Variants in CREB5 observed in about 807,000 individuals in gnomAD.
CREB5 encodes cAMP responsive element binding protein 5.
CREB5 carries 19 observed loss-of-function variants against 57.1 expected under a neutral mutation model. The observed-to-expected ratio is 0.33, with a 90% CI of 0.23 to 0.49. The LOEUF (loss-of-function observed/expected upper bound fraction) is 0.49, where lower values mean the gene tolerates loss of function less well. Among genes scored for constraint, CREB5 ranks in the 20% least tolerant of loss-of-function variants. The probability of loss-of-function intolerance (pLI) is 0.99; values close to 1 mark genes in which losing one functional copy is unlikely to be tolerated. For synonymous variants in CREB5, 238 were observed against 238.3 expected (o/e 1.00, Z 0.01); for missense variants, 579 against 671.6 (o/e 0.86, Z 1.52).
At chr7:28,409,199 G>A (rs961075347), upstream of CREB5, 4 of 151,246 alleles carry the variant, frequency 2.6e-5, 1 homozygote, top group Non-Finnish European at 5.9e-5. This position sits in a 1 kb window ranked among gnomAD's most constrained non-coding sequence, Gnocchi z 4.4. Context: ...GGCGGGGCGG[G>A]GTCGGGGCGG....
At chr7:28,305,512 CTT>C (rs2127979738) in intron 1 of CREB5, among the ~76,000 whole-genome samples, 1 of 152,256 alleles carries the variant, frequency 6.6e-6, no homozygotes, top group Non-Finnish European at 1.5e-5. Context: ...GAAATGGACA[CTT>C]ACCCCAAAGC....
intron 5 of CREB5, among the ~76,000 whole-genome samples, chr7:28,605,416 T>G (rs1473048477): frequency 1.3e-5 from 2 of 152,208 alleles, no homozygotes; most frequent in Non-Finnish European, 2.9e-5. Flanking sequence ...TATCTCTCAT[T>G]TGTTTTGTCA....
At chr7:28,586,010 G>T (rs943346774) in intron 5 of CREB5, among the ~76,000 whole-genome samples, 2 of 152,122 alleles carry the variant, frequency 1.3e-5, no homozygotes, top group Non-Finnish European at 2.9e-5. Flanking sequence ...TTAGAACTTT[G>T]CATCTTTTTT....
intron 7 of CREB5, among the ~76,000 whole-genome samples, chr7:28,753,627 T>C (rs1418391602): frequency 6.6e-6 from 1 of 152,176 alleles, no homozygotes; most frequent in Non-Finnish European, 1.5e-5. Flanking sequence ...TTCAACCCTG[T>C]GTAGATTACA....
rs865867001 is a variant in CREB5 at position 28,430,004 on chromosome 7, G to T, written c.3+17087G>T. Among the ~76,000 whole-genome samples, 8 of 152,318 alleles carry T rather than the reference G, an allele frequency of 5.3e-5. No individual in the cohort carries two copies. The South Asian group carries it at 1.0e-3, about 20-fold the overall frequency. ...TTGTTAGCTCACAAAAGAGCTCTTG[G>T]TCTCTGTCTTTGTCAGCATAGGGCT... On this transcript the variant is annotated intron_variant, in intron 1 of 10. Transcript: ENST00000357727.
chr7:28,348,816 G>T (rs547925039), intron 1 of CREB5, among the ~76,000 whole-genome samples: 2 of 152,188 alleles, frequency 1.3e-5, no homozygotes, highest in African/African-American at 4.8e-5. Flanking sequence ...ACACTCCCCA[G>T]CCAGGCCATC....
intron 7 of CREB5, among the ~76,000 whole-genome samples, chr7:28,735,106 TGG>T (rs386711629): frequency 0.14 from 21,381 of 151,722 alleles, 1,580 homozygotes; most frequent in Non-Finnish European, 0.16. Context: ...TTAATCGTTT[TGG>T]TTTTTTTTGT....
intron 4 of CREB5, among the ~76,000 whole-genome samples, chr7:28,545,499 T>C (rs1048175770): frequency 6.6e-6 from 1 of 152,228 alleles, no homozygotes; most frequent in Non-Finnish European, 1.5e-5. Context: ...CACATTTCCT[T>C]GTTCTTCCAG....
intron 1 of CREB5, among the ~76,000 whole-genome samples, chr7:28,358,598 G>A (rs906824351): frequency 8.5e-5 from 13 of 152,242 alleles, no homozygotes; most frequent in Middle Eastern, 3.4e-3. Context: ...TTTAAGTCAC[G>A]AACATCCCAG....
intron 7 of CREB5, among the ~76,000 whole-genome samples, chr7:28,730,737 G>A (rs1238046351): frequency 1.3e-5 from 2 of 152,102 alleles, no homozygotes; most frequent in Non-Finnish European, 2.9e-5. Context: ...AACCCTGTAG[G>A]ATCAACAGGG....
chr7:28,426,096 C>A (rs1788500238), intron 1 of CREB5, among the ~76,000 whole-genome samples: 1 of 152,176 alleles, frequency 6.6e-6, no homozygotes, highest in African/African-American at 2.4e-5. Flanking sequence ...CTCCTTCTAA[C>A]CCGATTCCCC....
At chr7:28,818,640 T>A (rs1263315812) in intron 10 of CREB5, 4 of 419,020 alleles carry the variant, frequency 9.5e-6, no homozygotes, top group Admixed American at 2.8e-5. Context: ...AATGATCCCT[T>A]CCTTCAGACC....
At chr7:28,690,438 A>G (rs1321860001) in intron 5 of CREB5, among the ~76,000 whole-genome samples, 1 of 152,202 alleles carries the variant, frequency 6.6e-6, no homozygotes, top group Non-Finnish European at 1.5e-5. Flanking sequence ...GGATGGGGAT[A>G]ATATCAAGCA....
chr7:28,432,137 G>A (rs1001226237), intron 1 of CREB5, among the ~76,000 whole-genome samples: 2 of 152,138 alleles, frequency 1.3e-5, no homozygotes, highest in African/African-American at 4.8e-5. Flanking sequence ...GTAATAGGAT[G>A]TTATAATTAT....
chr7:28,332,711 A>G (rs1785739523), intron 1 of CREB5, among the ~76,000 whole-genome samples: 1 of 152,212 alleles, frequency 6.6e-6, no homozygotes, highest in Admixed American at 6.5e-5. Flanking sequence ...AAATTAGATA[A>G]TAACATGTAC....
At chr7:28,663,546 T>G (rs10258405) in intron 5 of CREB5, among the ~76,000 whole-genome samples, 53,247 of 151,994 alleles carry the variant, frequency 0.35, 9,800 homozygotes, top group Middle Eastern at 0.48. Context: ...ATCCTTTAAG[T>G]CAAGAGGGGA....
chr7:28,443,912 T>C (rs1326006123), intron 1 of CREB5, among the ~76,000 whole-genome samples: 1 of 152,144 alleles, frequency 6.6e-6, no homozygotes. Flanking sequence ...GTGGAAGCGG[T>C]ATTGGTAGAT....
intron 1 of CREB5, among the ~76,000 whole-genome samples, chr7:28,338,156 C>T (rs1374425508): frequency 6.6e-6 from 1 of 152,086 alleles, no homozygotes; most frequent in Non-Finnish European, 1.5e-5. Flanking sequence ...AGTTTATACA[C>T]CATAATTACA....
In CREB5 at chr7:28,357,164, G is replaced by A. The variant is rs953590094; in HGVS notation, c.-25+57723G>A. Among the ~76,000 whole-genome samples, 7 of 152,304 alleles carry A rather than the reference G, an allele frequency of 4.6e-5. No homozygotes were observed. In the East Asian group the frequency reaches 1.4e-3, roughly 29 times the overall value. Reference sequence around the variant, plus strand: ...GAATATTTCCCACTCTCCAGAGAGAGTTAAGGGAAGGCTGTGTTGCTGGCT... The same window carrying A: ...GAATATTTCCCACTCTCCAGAGAGAATTAAGGGAAGGCTGTGTTGCTGGCT... On this transcript the variant is annotated intron_variant, in intron 1 of 9. Transcript: ENST00000396299.
Sources: gnomAD v4.1 joint callset for allele counts (sites outside exome capture counted in the v4.1 genomes callset) on GRCh38, gnomAD v4.1.1 for gene constraint, Gnocchi (gnomAD v3.1) non-coding constraint, MANE v1.5 for transcripts, NCBI Gene and HGNC (gene_info 2026-07-23, HGNC 2026-07-21) for gene names.